Variants in TPTE observed in about 807,000 individuals in gnomAD.
The protein encoded by TPTE is transmembrane phosphatase with tensin homology.
A neutral mutation model predicts 84.1 loss-of-function variants in TPTE; 59 were observed. The observed-to-expected ratio is 0.70, with a 90% CI of 0.57 to 0.87. The LOEUF (loss-of-function observed/expected upper bound fraction) is 0.87. TPTE is among the 40% of genes least tolerant of loss of function. The pLI is 0.00. For synonymous variants in TPTE, 130 were observed against 223.5 expected, an observed-to-expected ratio of 0.58 and a Z score of 3.73; for missense variants, 382 against 659.6, an observed-to-expected ratio of 0.58 and a Z score of 4.61.
Position 10,532,509 on chromosome 21 carries a change from C to T in TPTE, c.-44+5097C>T, listed in dbSNP as rs575109652. On this transcript the variant is annotated intron_variant, in intron 3 of 23. Transcript: ENST00000618007. ...TCTCCAGTTCAGTGACTTATGCTTACCTCCTTATGTTTTGCTTCCTTATTA... is the reference window on the plus strand; with the variant it reads ...TCTCCAGTTCAGTGACTTATGCTTATCTCCTTATGTTTTGCTTCCTTATTA... 3.3e-5 allele frequency among the ~76,000 whole-genome samples: 5 copies of T among 152,416 alleles called. No homozygotes were observed. In the South Asian group the frequency reaches 6.2e-4, roughly 19 times the overall value.
At position 10,548,184 on chromosome 21, in the gene TPTE, C is replaced by T. The variant is rs2074505474; in HGVS notation, c.174-4473C>T. 2.0e-5 allele frequency among the ~76,000 whole-genome samples: 3 copies of T among 152,422 alleles called. No homozygotes were observed. In the South Asian group the frequency reaches 6.2e-4, roughly 32 times the overall value. The stretch of plus-strand genomic sequence containing the variant: ...AACTGTGTATGCCCAAGTCTCAGGG[C>T]CGAGAAACAACCCTGGGAGCTTACT... On this transcript the variant is annotated intron_variant, in intron 7 of 23. Transcript: ENST00000618007.
At chr21:10,599,991 G>T (rs1438951791) in intron 21 of TPTE, among the ~76,000 whole-genome samples, 2 of 152,306 alleles carry the variant, frequency 1.3e-5, no homozygotes, top group Admixed American at 6.5e-5. Context: ...TTTTCATAGA[G>T]GCTGGGACTT....
intron 11 of TPTE, among the ~76,000 whole-genome samples, chr21:10,568,912 TC>T (rs2074981768): frequency 6.6e-6 from 1 of 152,308 alleles, no homozygotes; most frequent in South Asian, 2.1e-4. Flanking sequence ...CTAGCACACT[TC>T]GGAAGTATCT....
intron 10 of TPTE, among the ~76,000 whole-genome samples, chr21:10,565,884 G>C (rs1355535003): frequency 6.6e-6 from 1 of 152,304 alleles, no homozygotes; most frequent in Non-Finnish European, 1.5e-5. Context: ...TTAAATCTAA[G>C]ACCTCAATGA....
chr21:10,542,565 A>C, intron 6 of TPTE, 117 bp downstream of exon 6: 1 of 1,109,670 alleles, frequency 9.0e-7, no homozygotes. Context: ...CCATCCATTC[A>C]TCCATCCATC....
At chr21:10,551,456 A>T (rs148825765) in intron 7 of TPTE, among the ~76,000 whole-genome samples, 8,139 of 148,284 alleles carry the variant, frequency 0.055, no homozygotes, top group South Asian at 0.081. Context: ...TATTTTTAGC[A>T]ATAAATGCCT....
In TPTE at chr21:10,567,110, A is replaced by G. The variant is rs1329218035; in HGVS notation, c.447-560A>G. On this transcript the variant is annotated intron_variant, in intron 10 of 23. Coordinates refer to ENST00000618007, the MANE Select transcript of TPTE (RefSeq NM_199261.4). ...GTTCTCACTTACTATGGGGCTCTAA[A>G]AAAAAAAAAAAAAAATTGAACTCAT... 3.9e-3 allele frequency among the ~76,000 whole-genome samples: 91 copies of G among 23,588 alleles called. No homozygotes were observed. In the South Asian group the frequency reaches 0.058, roughly 15 times the overall value. 15.5% of individuals were successfully genotyped at this position (23,588 alleles called of 152,430 possible). A position where few individuals can be genotyped will look rare whatever the true frequency, so the allele number is the denominator to read the frequency against.
At chr21:10,580,614 C>T (rs1308092624) in intron 17 of TPTE, among the ~76,000 whole-genome samples, 2 of 152,306 alleles carry the variant, frequency 1.3e-5, no homozygotes, top group Non-Finnish European at 2.9e-5. Context: ...CTGTCCTTTC[C>T]TCATCTTGGA....
In TPTE at chr21:10,603,635, A is replaced by T; in HGVS notation, c.1520+3A>T. On this transcript the variant is annotated splice_donor_region_variant and intron_variant, in intron 23 of 23. Transcript: ENST00000618007. ...ACATCTTTTATTGAAAATAACAGGT[A>T]TGAATATAATAGAAACCCATAGAAA... 6.2e-7 allele frequency: 1 copy of T among 1,611,202 alleles called. No homozygotes were observed. Among genetic ancestry groups the T allele is most frequent in the Non-Finnish European group, 8.5e-7 (1 of 1,177,802 alleles).
chr21:10,545,982 A>G (rs1238380741), intron 7 of TPTE, among the ~76,000 whole-genome samples: 1 of 152,208 alleles, frequency 6.6e-6, no homozygotes, highest in South Asian at 2.1e-4. Flanking sequence ...ATACACATAT[A>G]TAGTTTATAT....
At chr21:10,532,905 C>CTT (rs2145592050) in intron 3 of TPTE, among the ~76,000 whole-genome samples, 1 of 152,418 alleles carries the variant, frequency 6.6e-6, no homozygotes, top group South Asian at 2.1e-4. Flanking sequence ...TTGGTCTGTC[C>CTT]TTGTGCCCTC....
At chr21:10,537,702 A>G (rs2074292603) in intron 3 of TPTE, among the ~76,000 whole-genome samples, 1 of 152,290 alleles carries the variant, frequency 6.6e-6, no homozygotes, top group African/African-American at 2.4e-5. Flanking sequence ...AGAAAAAAGA[A>G]AAAGAAATAA....
chr21:10,593,515 G>T (rs1295310304), intron 19 of TPTE, among the ~76,000 whole-genome samples: 1 of 152,308 alleles, frequency 6.6e-6, no homozygotes, highest in African/African-American at 2.4e-5. Context: ...TTTGTTTATT[G>T]CAGAAACCAG....
Position 10,542,394 on chromosome 21 carries a change from G to C in TPTE, c.66-1G>C. The C allele has an allele frequency of 6.2e-7, 1 of 1,611,218 alleles. No individual in the cohort carries two copies. Among genetic ancestry groups the C allele is most frequent in the Admixed American group, 1.7e-5 (1 of 59,908 alleles). On this transcript the variant is annotated splice_acceptor_variant, in intron 5 of 23. Coordinates refer to ENST00000618007, the MANE Select transcript of TPTE (RefSeq NM_199261.4). LOFTEE classifies it high-confidence loss of function. Reference sequence around the variant, plus strand: ...GACTGTTTTCTCTTATCATCCACTAGTCCACAGACAAGTGAATTTAAAGGA... The same window carrying C: ...GACTGTTTTCTCTTATCATCCACTACTCCACAGACAAGTGAATTTAAAGGA...
chr21:10,596,552 T>C (rs1236406053), intron 20 of TPTE, among the ~76,000 whole-genome samples: 3 of 152,306 alleles, frequency 2.0e-5, no homozygotes, highest in Non-Finnish European at 4.4e-5. Context: ...CCCTGGGCTC[T>C]CCCTTTCCCC....
chr21:10,596,783 G>A (rs1320075055), intron 20 of TPTE, among the ~76,000 whole-genome samples: 1 of 152,312 alleles, frequency 6.6e-6, no homozygotes, highest in African/African-American at 2.4e-5. Flanking sequence ...CATGGGGCCA[G>A]GATGCTGGTG....
chr21:10,540,995 AT>A (rs1206637051), intron 4 of TPTE, 116 bp from the exon 5 acceptor site: 12 of 1,461,544 alleles, frequency 8.2e-6, no homozygotes, highest in Non-Finnish European at 7.6e-6. Flanking sequence ...AGTGATATAC[AT>A]ACATGTGAAT....
chr21:10,523,430 C>G (rs1187917252), intron 1 of TPTE, among the ~76,000 whole-genome samples: 1 of 152,260 alleles, frequency 6.6e-6, no homozygotes. Context: ...TGGTATATCT[C>G]CCAATGCTAT....
chr21:10,528,058 G>A (rs1600851115), intron 3 of TPTE, among the ~76,000 whole-genome samples: 2 of 152,412 alleles, frequency 1.3e-5, no homozygotes, highest in African/African-American at 4.8e-5. Flanking sequence ...TTTTTTGAGA[G>A]TCCTAAACAA....
Sources: allele counts gnomAD v4.1 joint callset (sites outside exome capture counted in the v4.1 genomes callset), GRCh38; gene constraint gnomAD v4.1.1; transcripts MANE v1.5; gene names NCBI Gene and HGNC (gene_info 2026-07-23, HGNC 2026-07-21).